Variants in NPTN observed in about 807,000 individuals in gnomAD.
The protein encoded by NPTN is neuroplastin.
NPTN carries 5 observed loss-of-function variants against 42.7 expected under a neutral mutation model. The observed-to-expected ratio is 0.12, with a 90% confidence interval of 0.06 to 0.25. The LOEUF is 0.25. Among genes scored for constraint, NPTN ranks in the 10% least tolerant of loss-of-function variants. The pLI, the probability that NPTN is intolerant of heterozygous loss-of-function variation, is 1.00. For synonymous variants in NPTN, 180 were observed against 201.9 expected (o/e 0.89, Z 0.92); for missense variants, 307 against 525.4 (o/e 0.58, Z 4.06).
At chr15:73,565,528 A>G (rs545944954) in intron 6 of NPTN, among the ~76,000 whole-genome samples, 1 of 152,324 alleles carries the variant, frequency 6.6e-6, no homozygotes, top group Admixed American at 6.5e-5. Flanking sequence ...AAAAGCATGC[A>G]TATCGCTCAC....
chr15:73,597,197 G>A lies in NPTN; in HGVS notation c.264C>T (p.Thr88=), dbSNP rs1290546779. 5.0e-6 allele frequency: 8 copies of A among 1,614,122 alleles called. No individual in the cohort carries two copies. Among genetic ancestry groups the A allele is most frequent in the East Asian group, 2.2e-5 (1 of 44,864 alleles). Residue 88 remains threonine, a synonymous_variant, in exon 2 of 9, where the codon ACC becomes ACT. Coordinates refer to ENST00000345330, the MANE Select transcript of NPTN (RefSeq NM_012428.4). The surrounding 1 kb of genome is among the most constrained non-coding windows in gnomAD (Gnocchi z 6.3). ...CGTTTGACCCGTAGGCGGTGTTTAC[G>A]GTGACACGGCGCTTCCGAGCACCGT... ...LWDGARKRRV[T]VNTAYGSNGV...
At position 73,597,985 on chromosome 15, in the gene NPTN, T is replaced by C. The variant is rs1896905823; in HGVS notation, c.92-616A>G. 6.6e-6 allele frequency among the ~76,000 whole-genome samples: 1 copy of C among 152,198 alleles called. No individual in the cohort carries two copies. The highest frequency in any genetic ancestry group is 1.5e-5 in the Non-Finnish European group (1 of 68,032). ...TTCTATCCTGGGTTCGATTAGACTT[T>C]CTCCACCTCCTATTCTTCCCTGGGC... On this transcript the variant is annotated intron_variant, in intron 1 of 8. Transcript: ENST00000345330. The surrounding 1 kb of genome is among the most constrained non-coding windows in gnomAD (Gnocchi z 6.3).
chr15:73,598,272 A>T (rs1265673424), intron 1 of NPTN, among the ~76,000 whole-genome samples: 1 of 152,154 alleles, frequency 6.6e-6, no homozygotes, highest in Non-Finnish European at 1.5e-5. Flanking sequence ...ATACAGTTGA[A>T]TTGCCTGGCT....
At chr15:73,598,995 A>G (rs187428671) in intron 1 of NPTN, among the ~76,000 whole-genome samples, 1 of 152,326 alleles carries the variant, frequency 6.6e-6, no homozygotes, top group African/African-American at 2.4e-5. Flanking sequence ...TCAATTCCTG[A>G]CATTTTCAGA....
chr15:73,603,668 C>CA (rs891282217), intron 1 of NPTN, among the ~76,000 whole-genome samples: 4 of 151,820 alleles, frequency 2.6e-5, no homozygotes, highest in Admixed American at 2.6e-4. Flanking sequence ...TTCTCCTTTT[C>CA]AAAAAAAATT....
chr15:73,581,368 AG>A (rs1566966620), intron 4 of NPTN, among the ~76,000 whole-genome samples: 1 of 152,098 alleles, frequency 6.6e-6, no homozygotes, highest in Non-Finnish European at 1.5e-5. Flanking sequence ...TTACCCTCTT[AG>A]GGGGGCACAG....
chr15:73,618,527 G>C (rs377735121), intron 1 of NPTN, among the ~76,000 whole-genome samples: 1 of 152,146 alleles, frequency 6.6e-6, no homozygotes, highest in Non-Finnish European at 1.5e-5. Context: ...ACAGGATCAA[G>C]AAAGTATGTG....
chr15:73,590,559 C>G (rs371472408), intron 3 of NPTN, among the ~76,000 whole-genome samples: 1 of 145,574 alleles, frequency 6.9e-6, no homozygotes, highest in Admixed American at 7.0e-5. Flanking sequence ...CTCAGGAGTT[C>G]AAGACCAGCC....
chr15:73,615,193 A>G (rs1016929272), intron 1 of NPTN, among the ~76,000 whole-genome samples: 18 of 151,690 alleles, frequency 1.2e-4, no homozygotes, highest in African/African-American at 4.3e-4. Context: ...CTTGAAGAAA[A>G]CCATGGTGGG....
intron 1 of NPTN, among the ~76,000 whole-genome samples, chr15:73,603,932 T>C (rs1009372084): frequency 6.6e-6 from 1 of 152,222 alleles, no homozygotes; most frequent in African/African-American, 2.4e-5. Flanking sequence ...ACTTTCTTTA[T>C]AGGGTAGTTG....
chr15:73,597,347 C>T lies in NPTN; in HGVS notation c.114G>A (p.Met38Ile). ...CGTCCCCCGTGAGCTTAGTTTCTGACATGGGCGACTTGACAAACCCAGCTA... is the reference window on the plus strand; with the variant it reads ...CGTCCCCCGTGAGCTTAGTTTCTGATATGGGCGACTTGACAAACCCAGCTA... ...AQNAGFVKSP[M>I]SETKLTGDAF... is the part of the protein sequence containing the mutation. The change falls in exon 2 of 9, where the codon ATG (methionine) becomes ATA (isoleucine). Residue 38 changes from methionine (M) to isoleucine (I), a missense_variant. By Grantham distance (10) the Met-to-Ile change is conservative. Coordinates refer to ENST00000345330, the MANE Select transcript of NPTN (RefSeq NM_012428.4). This position sits in a 1 kb window ranked among gnomAD's most constrained non-coding sequence, Gnocchi z 6.3. 4 of 1,611,702 alleles carry T rather than the reference C, an allele frequency of 2.5e-6. No homozygotes were observed. Among genetic ancestry groups the T allele is most frequent in the Non-Finnish European group, 3.4e-6 (4 of 1,178,896 alleles).
intron 1 of NPTN, among the ~76,000 whole-genome samples, chr15:73,604,968 T>TG (rs772246713): frequency 7.9e-5 from 12 of 151,966 alleles, no homozygotes; most frequent in Non-Finnish European, 1.5e-4. Flanking sequence ...CATGGTGGTA[T>TG]GCACCTCTAG....
At chr15:73,600,602 C>A (rs534218644) in intron 1 of NPTN, among the ~76,000 whole-genome samples, 1 of 152,272 alleles carries the variant, frequency 6.6e-6, no homozygotes, top group African/African-American at 2.4e-5. Flanking sequence ...TTAACACTTA[C>A]CACAACTGTG....
chr15:73,625,541 C>A (rs1766646205), intron 1 of NPTN, among the ~76,000 whole-genome samples: 1 of 152,080 alleles, frequency 6.6e-6, no homozygotes, highest in Admixed American at 6.6e-5. Context: ...CCGTGTTAGC[C>A]AGGATGGTCT....
chr15:73,581,822 G>A (rs1896059642), intron 4 of NPTN, among the ~76,000 whole-genome samples: 1 of 151,962 alleles, frequency 6.6e-6, no homozygotes, highest in African/African-American at 2.4e-5. Flanking sequence ...TACAGACACT[G>A]CTTATATGGT....
At position 73,615,350 on chromosome 15, in the gene NPTN, A is replaced by T. The variant is rs551282654; in HGVS notation, c.91+17775T>A. ...CTAGCCTTTATTGATCATTTGTGTT[A>T]GACATAACGCAAAGTATATCATAAT... On this transcript the variant is annotated intron_variant, in intron 1 of 8. Coordinates refer to ENST00000345330, the MANE Select transcript of NPTN (RefSeq NM_012428.4). Among the ~76,000 whole-genome samples, 3 of 152,262 alleles carry T rather than the reference A, an allele frequency of 2.0e-5. No individual in the cohort carries two copies. The South Asian group carries it at 6.2e-4, about 32-fold the overall frequency.
intron 5 of NPTN, among the ~76,000 whole-genome samples, chr15:73,571,085 G>C (rs1447784711): frequency 2.0e-4 from 30 of 152,008 alleles, no homozygotes; most frequent in Non-Finnish European, 1.5e-5. Flanking sequence ...GTTCAAGACT[G>C]GCCTTGGCAA....
intron 1 of NPTN, chr15:73,632,880 G>GC: frequency 5.2e-6 from 2 of 385,014 alleles, no homozygotes; most frequent in Non-Finnish European, 9.2e-6. Flanking sequence ...ACGACGTGGA[G>GC]CCTCCGAGTG....
chr15:73,625,391 C>T (rs752593532), intron 1 of NPTN, among the ~76,000 whole-genome samples: 6 of 151,970 alleles, frequency 3.9e-5, no homozygotes, highest in Non-Finnish European at 8.8e-5. Context: ...GGCCCTGTCA[C>T]CCAGGCTGGA....
Sources: allele counts gnomAD v4.1 joint callset (sites outside exome capture counted in the v4.1 genomes callset), GRCh38; gene constraint gnomAD v4.1.1; non-coding constraint Gnocchi (gnomAD v3.1); transcripts MANE v1.5; gene names NCBI Gene and HGNC (gene_info 2026-07-23, HGNC 2026-07-21).